The following RGS6 variants were observed in gnomAD, a reference collection of about 807,000 sequenced individuals.
The protein encoded by RGS6 is regulator of G-protein signaling 6.
In RGS6, 30 loss-of-function variants were observed where a neutral mutation model predicts 78.5. The observed-to-expected ratio is 0.38, with a 90% CI of 0.29 to 0.52. RGS6 has a LOEUF of 0.52. Among genes scored for constraint, RGS6 ranks in the 20% least tolerant of loss-of-function variants. The pLI is 0.85. For missense variants in RGS6, 495 were observed against 609.7 expected (o/e 0.81, Z 1.98); for synonymous variants, 206 against 206.0 (o/e 1.00, Z 0.00).
At chr14:72,149,882 C>G (rs2096659630) in intron 2 of RGS6, among the ~76,000 whole-genome samples, 1 of 152,102 alleles carries the variant, frequency 6.6e-6, no homozygotes, top group South Asian at 2.1e-4. Context: ...CTGTATGGTT[C>G]CCTTCGGAGG....
intron 2 of RGS6, among the ~76,000 whole-genome samples, chr14:72,150,433 A>G (rs1275145799): frequency 6.6e-6 from 1 of 152,088 alleles, no homozygotes; most frequent in Non-Finnish European, 1.5e-5. Flanking sequence ...TTCTTATGGC[A>G]GTCCTAGGAA....
intron 17 of RGS6, among the ~76,000 whole-genome samples, chr14:72,545,205 G>A (rs1361251237): frequency 6.6e-6 from 1 of 152,228 alleles, no homozygotes; most frequent in Admixed American, 6.5e-5. Context: ...GGACCACTGG[G>A]TCACAAACAT....
At chr14:72,143,501 G>A (rs186326475) in intron 2 of RGS6, among the ~76,000 whole-genome samples, 1 of 152,068 alleles carries the variant, frequency 6.6e-6, no homozygotes, top group Admixed American at 6.6e-5. Flanking sequence ...GAAACTATTG[G>A]CCTTTTGCTG....
At chr14:72,087,089 TTCATCAGATAA>T (rs1243322019) in intron 2 of RGS6, among the ~76,000 whole-genome samples, 4 of 152,178 alleles carry the variant, frequency 2.6e-5, no homozygotes, top group African/African-American at 2.4e-5. Context: ...TTTTGCCTCT[TTCATCAGATAA>T]GATGAAATTC....
intron 12 of RGS6, among the ~76,000 whole-genome samples, chr14:72,482,272 G>A (rs913461069): frequency 2.0e-5 from 3 of 152,086 alleles, no homozygotes; most frequent in South Asian, 2.1e-4. Flanking sequence ...CTTATAAGGT[G>A]CCCTGCTTCC....
chr14:72,026,128 C>T (rs534734724), intron 2 of RGS6, among the ~76,000 whole-genome samples: 9 of 152,174 alleles, frequency 5.9e-5, no homozygotes, highest in African/African-American at 1.7e-4. Flanking sequence ...CATCAGGGGC[C>T]GGGCATGGTG....
the RGS6 span, among the ~76,000 whole-genome samples, chr14:72,596,004 A>G: frequency 6.6e-6 from 1 of 152,208 alleles, no homozygotes; most frequent in Admixed American, 6.5e-5. Context: ...GCCTAAGAAG[A>G]CACTCAGGGG....
intron 2 of RGS6, among the ~76,000 whole-genome samples, chr14:72,286,881 T>C (rs1410483239): frequency 6.6e-6 from 1 of 152,044 alleles, no homozygotes; most frequent in Non-Finnish European, 1.5e-5. Context: ...CCTCTCAGGT[T>C]CAAGCAATTC....
chr14:71,918,553 T>C, the RGS6 span, among the ~76,000 whole-genome samples: 8 of 152,208 alleles, frequency 5.3e-5, no homozygotes, highest in East Asian at 1.3e-3. Flanking sequence ...ACTTCATTAA[T>C]TGAGAGGAAA....
intron 2 of RGS6, among the ~76,000 whole-genome samples, chr14:72,127,207 A>G (rs2096215868): frequency 6.6e-6 from 1 of 152,176 alleles, no homozygotes; most frequent in Non-Finnish European, 1.5e-5. Context: ...TAAAAATAGG[A>G]AAAAAATATT....
At chr14:71,969,935 G>A (rs1008440435) in intron 2 of RGS6, among the ~76,000 whole-genome samples, 2 of 152,120 alleles carry the variant, frequency 1.3e-5, no homozygotes, top group Non-Finnish European at 2.9e-5. Context: ...GGTCTTTTGA[G>A]CTTTTGAAGA....
At chr14:72,290,996 C>A (rs559786723) in intron 2 of RGS6, among the ~76,000 whole-genome samples, 1 of 152,148 alleles carries the variant, frequency 6.6e-6, no homozygotes, top group South Asian at 2.1e-4. Flanking sequence ...GCTTCTGCTC[C>A]CGCCAGATGA....
At chr14:72,332,977 G>A (rs2075349713) in intron 2 of RGS6, among the ~76,000 whole-genome samples, 1 of 152,146 alleles carries the variant, frequency 6.6e-6, no homozygotes, top group Non-Finnish European at 1.5e-5. Flanking sequence ...GCTAGTCAGG[G>A]GCAGGGCTGA....
chr14:71,939,102 C>T (rs1333109555), intron 1 of RGS6, among the ~76,000 whole-genome samples: 7 of 152,158 alleles, frequency 4.6e-5, no homozygotes, highest in Middle Eastern at 3.2e-3. Context: ...GGCAGCCTTT[C>T]GGGTCACTCA....
At chr14:71,994,482 A>T (rs2095107769) in intron 2 of RGS6, among the ~76,000 whole-genome samples, 1 of 152,136 alleles carries the variant, frequency 6.6e-6, no homozygotes, top group Non-Finnish European at 1.5e-5. Context: ...TCTGACTCTG[A>T]GAGACATGAA....
intron 2 of RGS6, among the ~76,000 whole-genome samples, chr14:72,018,042 G>T (rs1567029407): frequency 6.6e-6 from 1 of 152,092 alleles, no homozygotes; most frequent in Non-Finnish European, 1.5e-5. Context: ...TTCTTTTCTT[G>T]TGTTAGTCTG....
At chr14:72,157,406 T>G (rs1174378100) in intron 2 of RGS6, among the ~76,000 whole-genome samples, 1 of 152,198 alleles carries the variant, frequency 6.6e-6, no homozygotes, top group Non-Finnish European at 1.5e-5. Flanking sequence ...CGCTTGAAAC[T>G]AGGGAAAGTC....
intron 2 of RGS6, among the ~76,000 whole-genome samples, chr14:72,241,941 T>G (rs1165920916): frequency 1.3e-5 from 2 of 152,228 alleles, no homozygotes; most frequent in African/African-American, 4.8e-5. Flanking sequence ...ACTTGCTAAC[T>G]TTATAATTTT....
intron 2 of RGS6, among the ~76,000 whole-genome samples, chr14:72,241,080 C>T (rs1433328727): frequency 6.7e-6 from 1 of 148,674 alleles, no homozygotes; most frequent in East Asian, 2.0e-4. Context: ...TTGCTTGAAC[C>T]AGGGAGTCAG....
Sources: gnomAD v4.1 joint callset for allele counts (sites outside exome capture counted in the v4.1 genomes callset) on GRCh38, gnomAD v4.1.1 for gene constraint, MANE v1.5 for transcripts, NCBI Gene and HGNC (gene_info 2026-07-23, HGNC 2026-07-21) for gene names.